The following DNAJC2 variants were observed in gnomAD, a reference collection of about 807,000 sequenced individuals.
The protein encoded by DNAJC2 is dnaJ homolog subfamily C member 2.
A neutral mutation model predicts 94.0 loss-of-function variants in DNAJC2; 32 were observed. The ratio of observed to expected loss-of-function variants is 0.34; its 90% confidence interval spans 0.26 to 0.46. DNAJC2 has a LOEUF of 0.46. Among genes scored for constraint, DNAJC2 ranks in the 20% least tolerant of loss-of-function variants. The probability of loss-of-function intolerance (pLI) is 1.00; values close to 1 mark genes in which losing one functional copy is unlikely to be tolerated. For synonymous variants in DNAJC2, 210 were observed against 229.7 expected (o/e 0.91, Z 0.77); for missense variants, 550 against 719.5 (o/e 0.76, Z 2.69).
At chr7:103,328,615 A>G (rs1178850488) in intron 3 of DNAJC2, among the ~76,000 whole-genome samples, 1 of 151,826 alleles carries the variant, frequency 6.6e-6, no homozygotes, top group Non-Finnish European at 1.5e-5. Context: ...TGGGTGACAG[A>G]GTGAGACTCT....
rs775185365 is a variant in DNAJC2, at chr7:103,315,813, A to G, written c.1587T>C (p.His529=). Residue 529 remains histidine (H), a synonymous_variant, in exon 15 of 17, where the codon CAT becomes CAC. Coordinates refer to ENST00000379263, the MANE Select transcript of DNAJC2 (RefSeq NM_014377.3). ...KKAFDKFKKE[H]GVVPQADNAT... is the part of the protein sequence containing the mutation. ...CGTTGTCTGCTTGAGGTACCACTCC[A>G]TGTTCTTTTTTGAACTTATCAAATG... 8.7e-6 allele frequency: 14 copies of G among 1,613,662 alleles called. No homozygotes were observed. Among genetic ancestry groups the G allele is most frequent in the Admixed American group, 1.7e-5 (1 of 59,972 alleles).
chr7:103,340,570 G>T (rs1819337919), intron 2 of DNAJC2, among the ~76,000 whole-genome samples: 2 of 152,136 alleles, frequency 1.3e-5, no homozygotes, highest in South Asian at 4.1e-4. Context: ...CAATCTCACT[G>T]TAGCAACAAG....
At chr7:103,337,702 A>G in intron 3 of DNAJC2, 34 bp downstream of exon 3, 1 of 1,526,150 alleles carries the variant, frequency 6.6e-7, no homozygotes, top group Non-Finnish European at 9.1e-7. Flanking sequence ...CCTATACAAG[A>G]TATTTGATTA....
intron 16 of DNAJC2, 73 bp downstream of exon 16, chr7:103,312,874 A>G: frequency 6.4e-7 from 1 of 1,553,798 alleles, no homozygotes; most frequent in Non-Finnish European, 8.6e-7. Flanking sequence ...CACTTAATAG[A>G]CATAAAATAT....
intron 4 of DNAJC2, among the ~76,000 whole-genome samples, chr7:103,327,005 G>C (rs1252600613): frequency 1.3e-5 from 2 of 152,166 alleles, no homozygotes; most frequent in African/African-American, 4.8e-5. Context: ...GTAAAAGATC[G>C]AAGGATCTTA....
At chr7:103,320,535 C>T (rs1028913099) in intron 10 of DNAJC2, among the ~76,000 whole-genome samples, 3 of 151,188 alleles carry the variant, frequency 2.0e-5, no homozygotes, top group East Asian at 2.0e-4. Flanking sequence ...CCGAGGCAGG[C>T]GGATCGTGAG....
chr7:103,317,877 C>T (rs906237505), intron 12 of DNAJC2, among the ~76,000 whole-genome samples: 2 of 152,198 alleles, frequency 1.3e-5, no homozygotes, highest in Admixed American at 1.3e-4. Flanking sequence ...TCTCAAACTC[C>T]TGACCTCAGG....
At chr7:103,327,283 CG>C (rs1303651125) in intron 4 of DNAJC2, 4 of 1,006,586 alleles carry the variant, frequency 4.0e-6, no homozygotes, top group Middle Eastern at 2.6e-4. Flanking sequence ...GCATCTGAAA[CG>C]AAAAAAAAAA....
At chr7:103,323,247 T>C (rs1818519935) in intron 7 of DNAJC2, among the ~76,000 whole-genome samples, 1 of 152,132 alleles carries the variant, frequency 6.6e-6, no homozygotes, top group African/African-American at 2.4e-5. Flanking sequence ...TGGTTCTATT[T>C]AATATTAATT....
chr7:103,323,901 G>A (rs1228172277), intron 6 of DNAJC2, among the ~76,000 whole-genome samples: 3 of 152,026 alleles, frequency 2.0e-5, no homozygotes, highest in South Asian at 2.1e-4. Flanking sequence ...TAGGTTTTTC[G>A]CTTGACCAAG....
In DNAJC2 at chr7:103,319,818, C is replaced by T. The variant is rs749687683; in HGVS notation, c.1110G>A (p.Glu370=). 75 of 1,614,052 alleles carry T rather than the reference C, an allele frequency of 4.6e-5. 1 individual carries two copies. The South Asian group carries it at 7.7e-4, about 17-fold the overall frequency. Residue 370 remains glutamate, a synonymous_variant, in exon 11 of 17, where the codon GAG becomes GAA. Transcript: ENST00000379263. The part of the protein sequence containing the change: ...CKTWNHFSDN[E]AERVKMMEEV... ...CTTCCATCATTTTAACCCGCTCTGC[C>T]TCATTATCAGAAAAATGATTCCAGG... is the stretch of plus-strand genomic sequence containing the variant.
intron 12 of DNAJC2, among the ~76,000 whole-genome samples, chr7:103,318,037 T>C (rs1260100970): frequency 2.0e-5 from 3 of 152,220 alleles, no homozygotes; most frequent in Non-Finnish European, 4.4e-5. Context: ...AGTAGTACAA[T>C]GTTGAACCTT....
chr7:103,323,756 C>T lies in DNAJC2; in HGVS notation c.654-93G>A, dbSNP rs556555039. Reference sequence around the variant, plus strand: ...TGAATGAATTTGTTTTAATGGATACCTTTCCTTCCCTTCTAGTATTGAACT... The same window carrying T: ...TGAATGAATTTGTTTTAATGGATACTTTTCCTTCCCTTCTAGTATTGAACT... On this transcript the variant is annotated intron_variant, in intron 6 of 16. Coordinates refer to ENST00000379263, the MANE Select transcript of DNAJC2 (RefSeq NM_014377.3). 1.5e-5 allele frequency: 14 copies of T among 948,086 alleles called. No individual in the cohort carries two copies. In the South Asian group the frequency reaches 2.3e-4, roughly 16 times the overall value. 58.7% of individuals were successfully genotyped at this position (948,086 alleles called of 1,614,324 possible). A position where few individuals can be genotyped will look rare whatever the true frequency, so the allele number is the denominator to read the frequency against.
chr7:103,344,188 G>T (rs1031482253), intron 1 of DNAJC2: 10 of 254,238 alleles, frequency 3.9e-5, no homozygotes, highest in Admixed American at 1.6e-4. Flanking sequence ...GCAAAGCTTT[G>T]TACGACCCCA....
rs367783499 is a variant in DNAJC2 at position 103,344,638 on chromosome 7, A to C, written c.-16T>G. On this transcript the variant is annotated 5_prime_UTR_variant, in exon 1 of 17. Transcript: ENST00000379263. The stretch of plus-strand genomic sequence containing the variant: ...GAAGCAGCATGATGGCGCCGGGTCT[A>C]GCCCGGTGGGCGCAGCGGCTCACGT... 24 of 1,606,736 alleles carry C rather than the reference A, an allele frequency of 1.5e-5. No homozygotes were observed. In the African/African-American group the frequency reaches 2.9e-4, roughly 20 times the overall value.
At chr7:103,314,016 A>G in intron 15 of DNAJC2, 1 of 985,408 alleles carries the variant, frequency 1.0e-6, no homozygotes, top group South Asian at 4.7e-5. Context: ...CTTCCCAATT[A>G]AAGAAGGAAA....
intron 5 of DNAJC2, 64 bp from the exon 6 acceptor site, chr7:103,324,626 A>C (rs1818603661): frequency 2.4e-6 from 3 of 1,261,160 alleles, no homozygotes; most frequent in Non-Finnish European, 3.2e-6. Context: ...TTCAACAAAC[A>C]ATTTAATTTA....
chr7:103,323,542 A>G, intron 7 of DNAJC2, 56 bp downstream of exon 7: 1 of 1,385,738 alleles, frequency 7.2e-7, no homozygotes, highest in Non-Finnish European at 9.5e-7. Flanking sequence ...TTACATCATC[A>G]CAAATACCAG....
At chr7:103,344,090 T>C (rs1393285635) in intron 1 of DNAJC2, among the ~76,000 whole-genome samples, 1 of 152,148 alleles carries the variant, frequency 6.6e-6, no homozygotes, top group East Asian at 1.9e-4. Context: ...ACACCGAGTA[T>C]GAGGAGCGGT....
Sources: gnomAD v4.1 joint callset for allele counts (sites outside exome capture counted in the v4.1 genomes callset) on GRCh38, gnomAD v4.1.1 for gene constraint, MANE v1.5 for transcripts, NCBI Gene and HGNC (gene_info 2026-07-23, HGNC 2026-07-21) for gene names.